The following POF1B variants were observed in gnomAD, a reference collection of about 807,000 sequenced individuals.
The protein encoded by POF1B is POF1B actin binding protein, also known as protein POF1B.
A neutral mutation model predicts 55.3 loss-of-function variants in POF1B; 53 were observed. That is an observed-to-expected ratio of 0.96 (90% CI 0.77 to 1.20). The LOEUF (loss-of-function observed/expected upper bound fraction) is 1.20, where lower values mean the gene tolerates loss of function less well. POF1B is among the 50% of genes most tolerant of loss of function. The probability of loss-of-function intolerance (pLI) is 0.00; values close to 1 mark genes in which losing one functional copy is unlikely to be tolerated. For missense variants in POF1B, 478 were observed against 420.5 expected (o/e 1.14, Z -1.20); for synonymous variants, 188 against 148.3 (o/e 1.27, Z -1.95).
Position 85,379,622 on chromosome X carries a change from G to T in POF1B, c.-42+17C>A. ...AAACCTCTGCCAATAGTGGTGCCGG[G>T]AAGAGAAGAAAGCTACCTGAGCAGC... On this transcript the variant is annotated intron_variant, in intron 1 of 16. Transcript: ENST00000262753. 3.9e-6 allele frequency: 2 copies of T among 515,587 alleles called. No homozygotes were observed. The highest frequency in any genetic ancestry group is 3.7e-5 in the East Asian group (1 of 27,353). The allele number at this position is 515,587 out of a possible 1,213,427, so 42.5% of individuals were successfully genotyped here.
At chrX:85,330,705 T>C (rs1932962174) in intron 7 of POF1B, among the ~76,000 whole-genome samples, 1 of 111,430 alleles carries the variant, frequency 9.0e-6, no homozygotes, top group South Asian at 3.7e-4. Flanking sequence ...CATTAGGAGA[T>C]AGACCTAATG....
At chrX:85,323,006 A>T (rs753137560) in intron 7 of POF1B, among the ~76,000 whole-genome samples, 7 of 110,222 alleles carry the variant, frequency 6.4e-5, no homozygotes, top group African/African-American at 2.3e-4. Flanking sequence ...GGGACTGTAA[A>T]CTAGTTCAAC....
chrX:85,291,291 A>G (rs1334915743), intron 15 of POF1B, among the ~76,000 whole-genome samples: 2 of 111,517 alleles, frequency 1.8e-5, no homozygotes, highest in East Asian at 5.7e-4. Context: ...CCATTGGTCT[A>G]TGTATCTGTT....
intron 15 of POF1B, among the ~76,000 whole-genome samples, chrX:85,288,559 T>C (rs1266199874): frequency 9.0e-6 from 1 of 111,217 alleles, no homozygotes; most frequent in Non-Finnish European, 1.9e-5. Context: ...AGTGATATGG[T>C]TTGGCTGTCT....
chrX:85,324,384 T>A (rs745816665), intron 7 of POF1B, among the ~76,000 whole-genome samples: 41 of 111,685 alleles, frequency 3.7e-4, no homozygotes, highest in Non-Finnish European at 5.5e-4. Context: ...ACTTTCTTTA[T>A]GTATCTTGGT....
At chrX:85,355,152 C>T (rs1933466408) in intron 4 of POF1B, among the ~76,000 whole-genome samples, 1 of 111,224 alleles carries the variant, frequency 9.0e-6, no homozygotes, top group Non-Finnish European at 1.9e-5. Flanking sequence ...GAAATAATAC[C>T]ACACATCTAC....
chrX:85,305,336 A>G (rs1368584275), intron 13 of POF1B, among the ~76,000 whole-genome samples: 1 of 110,951 alleles, frequency 9.0e-6, no homozygotes, highest in Non-Finnish European at 1.9e-5. Context: ...GATGTCAACT[A>G]TAGGTACCTA....
chrX:85,291,902 A>T (rs1932197592), intron 15 of POF1B, among the ~76,000 whole-genome samples: 1 of 111,072 alleles, frequency 9.0e-6, no homozygotes, highest in African/African-American at 3.3e-5. Flanking sequence ...TCCTATTTGG[A>T]TGCCTTTATT....
At chrX:85,323,155 T>C (rs1228860088) in intron 7 of POF1B, among the ~76,000 whole-genome samples, 13 of 111,604 alleles carry the variant, frequency 1.2e-4, no homozygotes, top group African/African-American at 4.2e-4. Context: ...CGTACATTTA[T>C]TGCGGCACTA....
chrX:85,296,116 G>T (rs1399573004), intron 15 of POF1B, among the ~76,000 whole-genome samples: 3 of 111,976 alleles, frequency 2.7e-5, no homozygotes, highest in Non-Finnish European at 3.8e-5. Flanking sequence ...TTTACTTTGA[G>T]TCTGTGGGTG....
intron 16 of POF1B, among the ~76,000 whole-genome samples, chrX:85,280,245 T>C (rs1344410953): frequency 3.6e-5 from 4 of 111,498 alleles, no homozygotes; most frequent in Non-Finnish European, 7.6e-5. Flanking sequence ...TAGAAGTTAT[T>C]TAACAGATGT....
intron 16 of POF1B, among the ~76,000 whole-genome samples, chrX:85,281,549 A>G (rs1931897805): frequency 9.1e-6 from 1 of 110,149 alleles, no homozygotes; most frequent in Non-Finnish European, 1.9e-5. Context: ...GAAAGATGCT[A>G]AGGTCCATGT....
At chrX:85,326,878 C>T (rs1018706578) in intron 7 of POF1B, among the ~76,000 whole-genome samples, 1 of 110,218 alleles carries the variant, frequency 9.1e-6, no homozygotes, top group Non-Finnish European at 1.9e-5. Context: ...CCCACCTGGG[C>T]ATCTGAGGCT....
intron 6 of POF1B, among the ~76,000 whole-genome samples, chrX:85,337,390 T>A (rs773089292): frequency 8.9e-6 from 1 of 111,878 alleles, no homozygotes; most frequent in African/African-American, 3.2e-5. Flanking sequence ...TTTCCTATCC[T>A]CATCAGTGCC....
intron 5 of POF1B, among the ~76,000 whole-genome samples, chrX:85,348,485 T>A (rs1933314836): frequency 9.0e-6 from 1 of 110,665 alleles, no homozygotes; most frequent in South Asian, 3.8e-4. Context: ...CTTGAACATT[T>A]CTCATCTCCT....
intron 10 of POF1B, among the ~76,000 whole-genome samples, 186 bp from the exon 11 acceptor site, chrX:85,307,462 C>T (rs1209341124): frequency 8.9e-6 from 1 of 111,884 alleles, no homozygotes; most frequent in Non-Finnish European, 1.9e-5. Flanking sequence ...CTAAAACCTT[C>T]ATTGAAAGAG....
chrX:85,292,008 T>C (rs1227361680), intron 15 of POF1B, among the ~76,000 whole-genome samples: 1 of 111,144 alleles, frequency 9.0e-6, no homozygotes, highest in Admixed American at 9.6e-5. Flanking sequence ...ATCCTTTTCT[T>C]GTGCTGGTTT....
At chrX:85,311,241 T>A (rs911698853) in intron 9 of POF1B, among the ~76,000 whole-genome samples, 16 of 111,534 alleles carry the variant, frequency 1.4e-4, no homozygotes, top group Non-Finnish European at 2.8e-4. Context: ...CTGGGATACA[T>A]GTGCAGAACG....
intron 3 of POF1B, among the ~76,000 whole-genome samples, chrX:85,365,710 T>G (rs1024025956): frequency 8.9e-6 from 1 of 111,837 alleles, no homozygotes; most frequent in Non-Finnish European, 1.9e-5. Context: ...GACTGTGGCT[T>G]GGCACTCCAG....
Sources: gnomAD v4.1 joint callset for allele counts (sites outside exome capture counted in the v4.1 genomes callset) on GRCh38, gnomAD v4.1.1 for gene constraint, MANE v1.5 for transcripts, NCBI Gene and HGNC (gene_info 2026-07-23, HGNC 2026-07-21) for gene names.